Variants in ST6GAL2 observed in about 807,000 individuals in gnomAD.
ST6GAL2 encodes the protein ST6 beta-galactoside alpha-2,6-sialyltransferase 2.
A neutral mutation model predicts 37.5 loss-of-function variants in ST6GAL2; 24 were observed. That is an observed-to-expected ratio of 0.64 (90% CI 0.46 to 0.90). The LOEUF (loss-of-function observed/expected upper bound fraction) is 0.90. Among genes scored for constraint, ST6GAL2 ranks in the 40% least tolerant of loss-of-function variants. The pLI, the probability that ST6GAL2 is intolerant of heterozygous loss-of-function variation, is 0.00. For synonymous variants in ST6GAL2, 306 were observed against 295.1 expected, an observed-to-expected ratio of 1.04 and a Z score of -0.38; for missense variants, 715 against 712.7, an observed-to-expected ratio of 1.00 and a Z score of -0.04.
In ST6GAL2 at chr2:106,802,383, G is replaced by C. The variant is rs1184223826; in HGVS notation, c.*4295C>G. ...TGTACACTTTTCATACTAAGAACTA[G>C]ATCAATGTCTTTAATTCCTTAAATG... is the stretch of plus-strand genomic sequence containing the variant. On this transcript the variant is annotated 3_prime_UTR_variant, in exon 6 of 6. Transcript: ENST00000409382. 1 of 152,012 alleles carries C rather than the reference G, an allele frequency of 6.6e-6. No individual in the cohort carries two copies. The highest frequency in any genetic ancestry group is 1.5e-5 in the Non-Finnish European group (1 of 68,016). The allele number at this position is 152,012 out of a possible 1,614,324, so 9.4% of individuals were successfully genotyped here.
chr2:106,805,459 C>T lies in ST6GAL2; in HGVS notation c.*1219G>A, dbSNP rs891656559. 9 of 152,186 alleles carry T rather than the reference C, an allele frequency of 5.9e-5. No homozygotes were observed. Among genetic ancestry groups the T allele is most frequent in the African/African-American group, 2.2e-4 (9 of 41,442 alleles). 9.4% of individuals were successfully genotyped at this position (152,186 alleles called of 1,614,324 possible). A position where few individuals can be genotyped will look rare whatever the true frequency, so the allele number is the denominator to read the frequency against. On this transcript the variant is annotated 3_prime_UTR_variant, in exon 6 of 6. Transcript: ENST00000409382. ...TATTGGGATGAAAATTTCCCTCTAGCTGCCTTTCCCTCTGAAGCATCTACA... is the reference window on the plus strand; with the variant it reads ...TATTGGGATGAAAATTTCCCTCTAGTTGCCTTTCCCTCTGAAGCATCTACA...
chr2:106,839,067 A>C (rs1174011717), intron 2 of ST6GAL2, among the ~76,000 whole-genome samples: 3 of 152,040 alleles, frequency 2.0e-5, no homozygotes, highest in East Asian at 3.9e-4. Flanking sequence ...AACAAAAAAA[A>C]CAAGAGCATT....
intron 5 of ST6GAL2, among the ~76,000 whole-genome samples, chr2:106,808,336 T>C (rs1239471079): frequency 6.6e-6 from 1 of 152,196 alleles, no homozygotes; most frequent in African/African-American, 2.4e-5. Context: ...CAAGGATAGC[T>C]TGTGTAGTAG....
upstream of ST6GAL2, chr2:106,887,167 C>G (rs1390954049): frequency 1.3e-5 from 2 of 152,520 alleles, no homozygotes; most frequent in African/African-American, 2.4e-5. Context: ...GCCGGGCTAC[C>G]TGCGCGCCTG....
At chr2:106,887,100 C>G (rs1679036792), upstream of ST6GAL2, 1 of 152,472 alleles carries the variant, frequency 6.6e-6, no homozygotes, top group South Asian at 2.1e-4. Context: ...GCGCCTGCCC[C>G]GGCGGAAGTG....
intron 1 of ST6GAL2, among the ~76,000 whole-genome samples, chr2:106,856,309 T>C (rs1230039998): frequency 1.3e-5 from 2 of 152,176 alleles, no homozygotes; most frequent in Non-Finnish European, 2.9e-5. Flanking sequence ...GTAACAACCC[T>C]GGCTTCTCAC....
At position 106,844,212 on chromosome 2, in the gene ST6GAL2, C is replaced by G. The variant is rs529234749; in HGVS notation, c.-57-178G>C. ...TCCAGGTGTCATATCTGTCCCCCTC[C>G]CCGCCCCCCACCTCCCACCAACCTC... is the stretch of plus-strand genomic sequence containing the variant. On this transcript the variant is annotated intron_variant, in intron 1 of 5. Transcript: ENST00000409382. Among the ~76,000 whole-genome samples the G allele has an allele frequency of 2.0e-3, 303 of 151,948 alleles. 1 individual carries two copies. The highest frequency in any genetic ancestry group is 7.0e-3 in the African/African-American group (289 of 41,448).
At chr2:106,857,304 A>G (rs1677614204) in intron 1 of ST6GAL2, among the ~76,000 whole-genome samples, 1 of 152,144 alleles carries the variant, frequency 6.6e-6, no homozygotes, top group Non-Finnish European at 1.5e-5. Context: ...TAATTTTTAT[A>G]TTAGAACACA....
intron 2 of ST6GAL2, among the ~76,000 whole-genome samples, chr2:106,840,509 T>C (rs745965646): frequency 2.0e-5 from 3 of 152,158 alleles, no homozygotes; most frequent in Non-Finnish European, 2.9e-5. Flanking sequence ...AAATAGTAGA[T>C]ACAAAATCTG....
chr2:106,881,249 A>G (rs1573331313), intron 1 of ST6GAL2, among the ~76,000 whole-genome samples: 2 of 152,292 alleles, frequency 1.3e-5, no homozygotes, highest in East Asian at 1.9e-4. Flanking sequence ...TCAGCCTCCC[A>G]AAGTGTTGGG....
At chr2:106,871,628 A>AT (rs959895305) in intron 1 of ST6GAL2, among the ~76,000 whole-genome samples, 6 of 152,030 alleles carry the variant, frequency 3.9e-5, no homozygotes, top group African/African-American at 1.4e-4. Flanking sequence ...CATTTTTTAA[A>AT]TTTTTTTGTT....
chr2:106,826,056 A>G (rs1008743120), intron 5 of ST6GAL2, among the ~76,000 whole-genome samples: 1 of 152,218 alleles, frequency 6.6e-6, no homozygotes, highest in African/African-American at 2.4e-5. Context: ...TGTTCAAAAG[A>G]GTCAACTTTT....
intron 4 of ST6GAL2, 41 bp downstream of exon 4, chr2:106,832,524 T>G (rs772306207): frequency 9.6e-7 from 1 of 1,044,742 alleles, no homozygotes; most frequent in Non-Finnish European, 1.4e-6. Flanking sequence ...TCAAAGCCAT[T>G]GTCTGACCGT....
In ST6GAL2 at chr2:106,805,459, C is replaced by A. The variant is rs891656559; in HGVS notation, c.*1219G>T. The A allele has an allele frequency of 6.6e-6, 1 of 152,186 alleles. No homozygotes were observed. The highest frequency in any genetic ancestry group is 1.9e-4 in the East Asian group (1 of 5,204). 9.4% of individuals were successfully genotyped at this position (152,186 alleles called of 1,614,324 possible). A position where few individuals can be genotyped will look rare whatever the true frequency, so the allele number is the denominator to read the frequency against. ...TATTGGGATGAAAATTTCCCTCTAG[C>A]TGCCTTTCCCTCTGAAGCATCTACA... On this transcript the variant is annotated 3_prime_UTR_variant, in exon 6 of 6. Transcript: ENST00000409382.
intron 1 of ST6GAL2, among the ~76,000 whole-genome samples, chr2:106,855,875 G>A (rs147384712): frequency 2.2e-4 from 33 of 151,920 alleles, no homozygotes; most frequent in Admixed American, 1.6e-3. Context: ...CATTTTACAC[G>A]GAACTCCAGA....
chr2:106,810,528 G>T (rs1196794307), intron 5 of ST6GAL2, among the ~76,000 whole-genome samples: 1 of 152,202 alleles, frequency 6.6e-6, no homozygotes, highest in Non-Finnish European at 1.5e-5. Flanking sequence ...TATGAACCAT[G>T]GCTTGGAGCA....
chr2:106,845,961 C>T (rs1434648336), intron 1 of ST6GAL2, among the ~76,000 whole-genome samples: 1 of 152,182 alleles, frequency 6.6e-6, no homozygotes, highest in African/African-American at 2.4e-5. Context: ...AAGCTTAGCC[C>T]AGCATGCATC....
chr2:106,829,452 G>A (rs1029420578), intron 5 of ST6GAL2, among the ~76,000 whole-genome samples: 1 of 152,176 alleles, frequency 6.6e-6, no homozygotes, highest in Admixed American at 6.5e-5. Flanking sequence ...CAGGCACATG[G>A]TCAACTGTCC....
chr2:106,817,912 A>G (rs1675862549), intron 5 of ST6GAL2, among the ~76,000 whole-genome samples: 1 of 152,074 alleles, frequency 6.6e-6, no homozygotes, highest in Non-Finnish European at 1.5e-5. Context: ...TGGGCCTTAA[A>G]TGTACATTGG....
Sources: gnomAD v4.1 joint callset for allele counts (sites outside exome capture counted in the v4.1 genomes callset) on GRCh38, gnomAD v4.1.1 for gene constraint, MANE v1.5 for transcripts, NCBI Gene and HGNC (gene_info 2026-07-23, HGNC 2026-07-21) for gene names.